The following ANKRD13C variants were observed in gnomAD, a reference collection of about 807,000 sequenced individuals.
ANKRD13C encodes the protein ankyrin repeat domain-containing protein 13C.
Under a neutral mutation model 65.5 loss-of-function variants are expected in ANKRD13C, and 16 were observed. The ratio of observed to expected loss-of-function variants is 0.24; its 90% CI spans 0.17 to 0.37. ANKRD13C has a LOEUF of 0.37. Among genes scored for constraint, ANKRD13C ranks in the 10% least tolerant of loss-of-function variants. The pLI is 1.00. For missense variants in ANKRD13C, 503 were observed against 655.9 expected (o/e 0.77, Z 2.55); for synonymous variants, 235 against 238.7 (o/e 0.98, Z 0.14).
intron 5 of ANKRD13C, among the ~76,000 whole-genome samples, chr1:70,311,590 T>C (rs939783134): frequency 2.6e-5 from 4 of 152,156 alleles, no homozygotes; most frequent in Non-Finnish European, 4.4e-5. Context: ...ACAAACACTT[T>C]AGTAAGCACT....
At position 70,262,175 on chromosome 1, in the gene ANKRD13C, C is replaced by T. The variant is rs2101083661; in HGVS notation, c.*542G>A. On this transcript the variant is annotated 3_prime_UTR_variant, in exon 13 of 13. Coordinates refer to ENST00000370944, the MANE Select transcript of ANKRD13C (RefSeq NM_030816.5). Reference sequence around the variant, plus strand: ...ACAGAAAATTGCATTCCTTCTAGTTCATTATATTGAACAAACATTCAAATT... The same window carrying T: ...ACAGAAAATTGCATTCCTTCTAGTTTATTATATTGAACAAACATTCAAATT... 6.6e-6 allele frequency: 1 copy of T among 152,558 alleles called. No individual in the cohort carries two copies. Among genetic ancestry groups the T allele is most frequent in the South Asian group, 2.1e-4 (1 of 4,818 alleles). The allele number at this position is 152,558 out of a possible 1,614,324, so 9.5% of individuals were successfully genotyped here.
At chr1:70,276,553 T>C (rs1388424011) in intron 10 of ANKRD13C, among the ~76,000 whole-genome samples, 1 of 152,164 alleles carries the variant, frequency 6.6e-6, no homozygotes, top group Non-Finnish European at 1.5e-5. Context: ...TACAGAAAGA[T>C]CTACAACCAT....
chr1:70,340,463 A>G (rs1682259318), intron 1 of ANKRD13C, among the ~76,000 whole-genome samples: 1 of 152,098 alleles, frequency 6.6e-6, no homozygotes, highest in South Asian at 2.1e-4. Context: ...AGTCTGACCA[A>G]TTTTTGTAAA....
chr1:70,316,818 A>G (rs950400488), intron 3 of ANKRD13C, among the ~76,000 whole-genome samples: 1 of 152,230 alleles, frequency 6.6e-6, no homozygotes, highest in South Asian at 2.1e-4. Context: ...ATAGGAAAAA[A>G]TAAGAACATG....
At chr1:70,313,042 C>A (rs1383217882) in intron 5 of ANKRD13C, among the ~76,000 whole-genome samples, 1 of 152,052 alleles carries the variant, frequency 6.6e-6, no homozygotes, top group African/African-American at 2.4e-5. Context: ...TATACATAAA[C>A]AAAAAATGTT....
At chr1:70,319,754 T>G (rs1225349526) in intron 3 of ANKRD13C, among the ~76,000 whole-genome samples, 1 of 152,036 alleles carries the variant, frequency 6.6e-6, no homozygotes, top group Admixed American at 6.6e-5. Context: ...TTGAGACAGC[T>G]TTAATAACCA....
chr1:70,286,014 T>C (rs556702614), intron 9 of ANKRD13C, among the ~76,000 whole-genome samples: 1 of 152,324 alleles, frequency 6.6e-6, no homozygotes, highest in South Asian at 2.1e-4. Context: ...CACTATTATA[T>C]ATATATAAAC....
At position 70,259,567 on chromosome 1, in the gene ANKRD13C, G is replaced by C. The variant is rs1360862015; in HGVS notation, c.*3150C>G. ...TTATGAAATTTTTAGGTGGCAACCA[G>C]AGTTAGTTACTATTGCCCCAGATTT... On this transcript the variant is annotated 3_prime_UTR_variant, in exon 13 of 13. Transcript: ENST00000370944. Among the ~76,000 whole-genome samples the C allele has an allele frequency of 6.6e-6, 1 of 152,208 alleles. No homozygotes were observed. The highest frequency in any genetic ancestry group is 6.5e-5 in the Admixed American group (1 of 15,284).
In ANKRD13C at chr1:70,284,326, A is replaced by G. The variant is rs1223852304; in HGVS notation, c.1216-7482T>C. 2.0e-5 allele frequency among the ~76,000 whole-genome samples: 3 copies of G among 152,080 alleles called. No individual in the cohort carries two copies. The East Asian group carries it at 5.8e-4, about 29-fold the overall frequency. On this transcript the variant is annotated intron_variant, in intron 9 of 12. Transcript: ENST00000370944. ...CATGGCTTTAAAATATATAATTTTA[A>G]TGTATTTTGAAAAAAATAAGAAATC...
intron 9 of ANKRD13C, among the ~76,000 whole-genome samples, chr1:70,279,890 T>C (rs953038510): frequency 3.9e-5 from 6 of 152,196 alleles, no homozygotes; most frequent in African/African-American, 1.4e-4. Context: ...ATCTGTCTTT[T>C]GGTACGAGAG....
At chr1:70,348,853 C>G (rs1402556176) in intron 1 of ANKRD13C, among the ~76,000 whole-genome samples, 1 of 152,182 alleles carries the variant, frequency 6.6e-6, no homozygotes, top group Non-Finnish European at 1.5e-5. Flanking sequence ...GATGGCTTGT[C>G]ACCTGCCAGG....
At chr1:70,303,091 T>A (rs1680447149) in intron 6 of ANKRD13C, among the ~76,000 whole-genome samples, 2 of 152,196 alleles carry the variant, frequency 1.3e-5, no homozygotes, top group Admixed American at 1.3e-4. Context: ...ATATGTAAAA[T>A]TAGTTATAGA....
intron 8 of ANKRD13C, among the ~76,000 whole-genome samples, chr1:70,292,809 T>C (rs919113524): frequency 6.6e-6 from 1 of 152,194 alleles, no homozygotes; most frequent in African/African-American, 2.4e-5. Flanking sequence ...GGTAGTTAAT[T>C]TGCAAATGAT....
intron 2 of ANKRD13C, among the ~76,000 whole-genome samples, chr1:70,330,557 CA>C (rs1393631280): frequency 2.2e-4 from 4 of 17,962 alleles, no homozygotes; most frequent in Middle Eastern, 0.033. Flanking sequence ...GCCTCCGTCT[CA>C]AAAAAACAAA....
At chr1:70,326,378 T>G (rs1057476943) in intron 2 of ANKRD13C, among the ~76,000 whole-genome samples, 48 of 150,692 alleles carry the variant, frequency 3.2e-4, no homozygotes, top group Non-Finnish European at 6.5e-4. Flanking sequence ...TCGAAGAGCA[T>G]AATTCCTATG....
rs187909559 is a variant in ANKRD13C, at chr1:70,273,484, T to G, written c.1394+1236A>C. Among the ~76,000 whole-genome samples, 9 of 152,322 alleles carry G rather than the reference T, an allele frequency of 5.9e-5. No individual in the cohort carries two copies. The East Asian group carries it at 1.7e-3, about 29-fold the overall frequency. On this transcript the variant is annotated intron_variant, in intron 11 of 12. Coordinates refer to ENST00000370944, the MANE Select transcript of ANKRD13C (RefSeq NM_030816.5). ...AAAGGAGCATCCAATGAGTACATGTTGGAGAGGATATATTCAATATGTTTA... is the reference window on the plus strand; with the variant it reads ...AAAGGAGCATCCAATGAGTACATGTGGGAGAGGATATATTCAATATGTTTA...
At chr1:70,342,813 T>G (rs928189117) in intron 1 of ANKRD13C, among the ~76,000 whole-genome samples, 1 of 150,882 alleles carries the variant, frequency 6.6e-6, no homozygotes, top group Non-Finnish European at 1.5e-5. Context: ...ACTAGATAGG[T>G]AGAGATGGGT....
At chr1:70,278,138 A>G (rs906423445) in intron 9 of ANKRD13C, among the ~76,000 whole-genome samples, 5 of 151,304 alleles carry the variant, frequency 3.3e-5, no homozygotes, top group Admixed American at 2.6e-4. Context: ...GCAGTAAGCC[A>G]TGATTATGCC....
intron 7 of ANKRD13C, 54 bp from the exon 8 acceptor site, chr1:70,296,315 A>T: frequency 6.5e-7 from 1 of 1,535,588 alleles, no homozygotes; most frequent in Admixed American, 2.0e-5. Flanking sequence ...AAAAGTTCTT[A>T]GTACTACATA....
Sources: allele counts gnomAD v4.1 joint callset (sites outside exome capture counted in the v4.1 genomes callset), GRCh38; gene constraint gnomAD v4.1.1; transcripts MANE v1.5; gene names NCBI Gene and HGNC (gene_info 2026-07-23, HGNC 2026-07-21).